PIEZO1: variants seen among roughly 807,000 people sequenced by gnomAD.
The protein encoded by PIEZO1 is piezo-type mechanosensitive ion channel component 1.
A neutral mutation model predicts 297.2 loss-of-function variants in PIEZO1; 296 were observed. The ratio of observed to expected loss-of-function variants is 1.00; its 90% CI spans 0.91 to 1.10. The LOEUF is 1.10. PIEZO1 is among the 50% of genes least tolerant of loss of function. The pLI is 0.00. For missense variants in PIEZO1, 5,018 were observed against 3,455.5 expected, an observed-to-expected ratio of 1.45 and a Z score of -11.34; for synonymous variants, 2,427 against 1,507.5, an observed-to-expected ratio of 1.61 and a Z score of -14.13.
rs912363319 is a variant in PIEZO1, at chr16:88,724,968, G to C, written c.4234+41C>G. The C allele has an allele frequency of 1.4e-5, 18 of 1,268,614 alleles. 1 individual carries two copies. The highest frequency in any genetic ancestry group is 1.9e-5 in the Non-Finnish European group (18 of 942,214). 78.6% of individuals were successfully genotyped at this position (1,268,614 alleles called of 1,614,324 possible). ...GGCAGAGGACAGATGGGGGCACAGA[G>C]GGCCTGAGAGGGTGGCCACAGGCGG... is the stretch of plus-strand genomic sequence containing the variant. On this transcript the variant is annotated intron_variant, in intron 30 of 50. Coordinates refer to ENST00000301015, the MANE Select transcript of PIEZO1 (RefSeq NM_001142864.4).
chr16:88,718,035 G>C (rs994656162), intron 44 of PIEZO1: 1 of 305,718 alleles, frequency 3.3e-6, no homozygotes, highest in African/African-American at 2.2e-5. Flanking sequence ...GTGAGTGAAG[G>C]TCATGCCACT....
chr16:88,783,900 G>A (rs571136357), intron 1 of PIEZO1, among the ~76,000 whole-genome samples: 3 of 152,320 alleles, frequency 2.0e-5, no homozygotes, highest in East Asian at 3.9e-4. Context: ...CAAGGGCTCC[G>A]AAAGGGCTTT....
chr16:88,762,978 C>T (rs770371070), intron 1 of PIEZO1, among the ~76,000 whole-genome samples: 2 of 152,220 alleles, frequency 1.3e-5, no homozygotes, highest in Non-Finnish European at 2.9e-5. Context: ...TTGGCAGCTC[C>T]CTAAGAACCA....
chr16:88,732,269 G>C, intron 21 of PIEZO1, 66 bp downstream of exon 21: 1 of 1,395,988 alleles, frequency 7.2e-7, no homozygotes, highest in Non-Finnish European at 9.9e-7. Flanking sequence ...TGCCTGCACG[G>C]TGCAGCCGTC....
chr16:88,763,905 C>A (rs1027444414), intron 1 of PIEZO1, among the ~76,000 whole-genome samples: 41 of 152,210 alleles, frequency 2.7e-4, no homozygotes, highest in African/African-American at 8.9e-4. Context: ...TCACAGCCAT[C>A]CTGCCCCAGG....
At chr16:88,763,805 C>T (rs1907036822) in intron 1 of PIEZO1, among the ~76,000 whole-genome samples, 1 of 152,194 alleles carries the variant, frequency 6.6e-6, no homozygotes, top group Admixed American at 6.5e-5. Flanking sequence ...CTGGCCCCGC[C>T]CCCAGCATTC....
At chr16:88,724,621 G>C (rs944005742) in intron 30 of PIEZO1, among the ~76,000 whole-genome samples, 3 of 152,070 alleles carry the variant, frequency 2.0e-5, no homozygotes, top group Non-Finnish European at 4.4e-5. Context: ...TTGAACCCGG[G>C]AGGTAGAGAT....
intron 1 of PIEZO1, among the ~76,000 whole-genome samples, chr16:88,781,083 C>G (rs562660856): frequency 1.3e-5 from 2 of 152,236 alleles, no homozygotes; most frequent in Admixed American, 6.5e-5. Flanking sequence ...CTGCAAGATG[C>G]GGCTCTCACT....
chr16:88,724,462 T>C (rs1228990627), intron 30 of PIEZO1, among the ~76,000 whole-genome samples: 4 of 129,792 alleles, frequency 3.1e-5, no homozygotes, highest in Non-Finnish European at 6.5e-5. Context: ...ACCTGGGAGG[T>C]GGGGGTTGTA....
Position 88,734,970 on chromosome 16 carries a change from C to T in PIEZO1, c.1753G>A (p.Ala585Thr). 1.9e-6 allele frequency: 3 copies of T among 1,550,558 alleles called. No homozygotes were observed. Among genetic ancestry groups the T allele is most frequent in the Non-Finnish European group, 2.6e-6 (3 of 1,146,984 alleles). Residue 585 changes from alanine (A) to threonine (T), a missense_variant, in exon 14 of 51, where the codon GCT becomes ACT. Coordinates refer to ENST00000301015, the MANE Select transcript of PIEZO1 (RefSeq NM_001142864.4). Reference protein sequence around the residue: ...VYAKYWIYVCAGMFIVVSFAG... With the variant: ...VYAKYWIYVCTGMFIVVSFAG... ...AAGCTGACCACGATGAACATGCCAG[C>T]ACACACATAGATCCAGTACTTGGCG...
At chr16:88,762,226 G>A (rs1445334911) in intron 1 of PIEZO1, among the ~76,000 whole-genome samples, 2 of 152,162 alleles carry the variant, frequency 1.3e-5, no homozygotes, top group East Asian at 3.9e-4. Context: ...GAGCTCAGGG[G>A]TCTGGGCAGA....
intron 10 of PIEZO1, 116 bp from the exon 11 acceptor site, chr16:88,736,855 G>T: frequency 1.6e-6 from 1 of 631,060 alleles, no homozygotes; most frequent in Non-Finnish European, 2.7e-6. Flanking sequence ...CAGGCCCCCG[G>T]TGGGCTATGG....
rs1267358351 is a variant in PIEZO1 at position 88,726,572 on chromosome 16, T to C, written c.3771A>G (p.Val1257=). 2.6e-6 allele frequency: 4 copies of C among 1,549,614 alleles called. No individual in the cohort carries two copies. The South Asian group carries it at 4.8e-5, about 18-fold the overall frequency. The change falls in exon 26 of 51, where the codon GTA becomes GTG. Residue 1257 remains valine, a synonymous_variant. Transcript: ENST00000301015. ...FCWVIQLFSL[V]CTVKGYYDPK... ...GGTCATAGTAGCCCTTGACGGTGCA[T>C]ACAAGGCTGAAGAGCTGGATGACCC...
At chr16:88,778,948 C>T (rs928249170) in intron 1 of PIEZO1, among the ~76,000 whole-genome samples, 1 of 151,880 alleles carries the variant, frequency 6.6e-6, no homozygotes, top group African/African-American at 2.4e-5. Context: ...GGGTGCATGG[C>T]GCGTTCACCA....
chr16:88,760,765 G>A (rs1221745256), intron 1 of PIEZO1, among the ~76,000 whole-genome samples: 2 of 152,258 alleles, frequency 1.3e-5, no homozygotes, highest in Non-Finnish European at 2.9e-5. Context: ...GGAGCCACCC[G>A]CCTTCGACGC....
rs768311482 is a variant in PIEZO1 at position 88,732,298 on chromosome 16, A to G, written c.2991+37T>C. 2.5e-5 allele frequency: 38 copies of G among 1,521,798 alleles called. No homozygotes were observed. In the African/African-American group the frequency reaches 4.7e-4, roughly 19 times the overall value. The allele number at this position is 1,521,798 out of a possible 1,614,324, so 94.3% of individuals were successfully genotyped here. A position where few individuals can be genotyped will look rare whatever the true frequency, so the allele number is the denominator to read the frequency against. On this transcript the variant is annotated intron_variant, in intron 21 of 50. Coordinates refer to ENST00000301015, the MANE Select transcript of PIEZO1 (RefSeq NM_001142864.4). ...AGCCGTCCCTCCCTCCCGAAGGCCA[A>G]GCCCTGCCCCAGGGGGAGGCAATGT... is the stretch of plus-strand genomic sequence containing the variant.
intron 23 of PIEZO1, 113 bp from the exon 24 acceptor site, chr16:88,727,305 G>T: frequency 8.1e-7 from 1 of 1,231,788 alleles, no homozygotes; most frequent in East Asian, 2.6e-5. Context: ...GCTGGGAGCG[G>T]ACACACGTCT....
chr16:88,784,834 G>T, intron 1 of PIEZO1, 67 bp downstream of exon 1: 1 of 1,193,094 alleles, frequency 8.4e-7, no homozygotes, highest in Non-Finnish European at 1.1e-6. Flanking sequence ...GTCGTCCGGT[G>T]TCCAGGCCGT....
Position 88,726,170 on chromosome 16 carries a change from A to G in PIEZO1, c.3968+114T>C. The G allele has an allele frequency of 2.4e-6, 2 of 827,006 alleles. 1 individual carries two copies. The highest frequency in any genetic ancestry group is 5.4e-5 in the East Asian group (2 of 37,356). 51.2% of individuals were successfully genotyped at this position (827,006 alleles called of 1,614,324 possible). ...CCTCTAGATGACACGCCCATGTCAC[A>G]GAGTGGCAGAGCCTGCCCTCCACGG... On this transcript the variant is annotated intron_variant, in intron 27 of 50. Transcript: ENST00000301015.
Sources: allele counts gnomAD v4.1 joint callset (sites outside exome capture counted in the v4.1 genomes callset), GRCh38; gene constraint gnomAD v4.1.1; transcripts MANE v1.5; gene names NCBI Gene and HGNC (gene_info 2026-07-23, HGNC 2026-07-21).